TRABD2B: variants seen among roughly 807,000 people sequenced by gnomAD.
TRABD2B encodes TraB domain containing 2B.
Under a neutral mutation model 40.1 loss-of-function variants are expected in TRABD2B, and 14 were observed. The ratio of observed to expected loss-of-function variants is 0.35; its 90% CI spans 0.23 to 0.55. The LOEUF (loss-of-function observed/expected upper bound fraction) is 0.55, where lower values mean the gene tolerates loss of function less well. Ranked by LOEUF, TRABD2B falls within the 20% of genes least tolerant of loss-of-function variation. The probability of loss-of-function intolerance (pLI) is 0.90; values close to 1 mark genes in which losing one functional copy is unlikely to be tolerated. For synonymous variants in TRABD2B, 263 were observed against 277.0 expected (o/e 0.95, Z 0.50); for missense variants, 541 against 648.6 (o/e 0.83, Z 1.80).
At chr1:47,783,755 C>T (rs1454284294) in intron 4 of TRABD2B, among the ~76,000 whole-genome samples, 1 of 152,146 alleles carries the variant, frequency 6.6e-6, no homozygotes, top group Admixed American at 6.5e-5. Context: ...GCTCAGTGAG[C>T]AGAGCACAGG....
chr1:47,794,495 G>A lies in TRABD2B; in HGVS notation c.988+91C>T, dbSNP rs1415311416. The A allele has an allele frequency of 3.1e-5, 42 of 1,369,462 alleles. No homozygotes were observed. In the East Asian group the frequency reaches 4.8e-4, roughly 16 times the overall value. The allele number at this position is 1,369,462 out of a possible 1,614,324, so 84.8% of individuals were successfully genotyped here. On this transcript the variant is annotated intron_variant, in intron 4 of 6. Transcript: ENST00000606738. ...CTTTTCCTGCCCCATCCTGGGCCTC[G>A]ACTTCTCCCTCGATGAAGTAGAGGT...
Position 47,801,533 on chromosome 1 carries a change from G to A in TRABD2B, c.753C>T (p.Leu251=). The A allele has an allele frequency of 3.3e-6, 5 of 1,536,130 alleles. No individual in the cohort carries two copies. The highest frequency in any genetic ancestry group is 4.4e-6 in the Non-Finnish European group (5 of 1,146,902). ...SLQASYTTED[L]IKHYNCGDLS... ...GGTCTCCGCAGTTGTAGTGCTTGAT[G>A]AGGTCCTCCGTGGTGTAGGAGGCCT... The change falls in exon 3 of 7, where the codon CTC becomes CTT. Residue 251 remains leucine, a synonymous_variant. Coordinates refer to ENST00000606738, the MANE Select transcript of TRABD2B (RefSeq NM_001194986.2).
At chr1:47,831,285 T>C (rs1645245580) in intron 2 of TRABD2B, among the ~76,000 whole-genome samples, 1 of 152,162 alleles carries the variant, frequency 6.6e-6, no homozygotes, top group Non-Finnish European at 1.5e-5. Context: ...TAGGTCCTAC[T>C]GAGGCCTCGG....
At chr1:47,904,107 C>T (rs1345204709) in intron 2 of TRABD2B, among the ~76,000 whole-genome samples, 1 of 152,178 alleles carries the variant, frequency 6.6e-6, no homozygotes, top group Non-Finnish European at 1.5e-5. Flanking sequence ...GCAGAAGGAG[C>T]TGTAACAGGG....
In TRABD2B at chr1:47,849,719, C is replaced by T. The variant is rs550720786; in HGVS notation, c.667-48100G>A. 5.3e-5 allele frequency among the ~76,000 whole-genome samples: 8 copies of T among 152,278 alleles called. No individual in the cohort carries two copies. In the South Asian group the frequency reaches 1.7e-3, roughly 32 times the overall value. On this transcript the variant is annotated intron_variant, in intron 2 of 6. Coordinates refer to ENST00000606738, the MANE Select transcript of TRABD2B (RefSeq NM_001194986.2). ...TGGTGTGAGCCGGTGGGATTGGCTG[C>T]TAAGTGAGGGGATGGGGTGCGGGAG...
At chr1:47,831,581 G>C (rs977489376) in intron 2 of TRABD2B, among the ~76,000 whole-genome samples, 1 of 152,184 alleles carries the variant, frequency 6.6e-6, no homozygotes, top group Non-Finnish European at 1.5e-5. Flanking sequence ...GCTGCTGTAT[G>C]CTGGGTGATC....
intron 2 of TRABD2B, among the ~76,000 whole-genome samples, chr1:47,832,357 G>A (rs1367794880): frequency 6.6e-6 from 1 of 152,068 alleles, no homozygotes. Context: ...GTCAGACGTG[G>A]GTCCAGTCCG....
At position 47,769,971 on chromosome 1, in the gene TRABD2B, T is replaced by G. The variant is rs542705491; in HGVS notation, c.1350-3865A>C. Among the ~76,000 whole-genome samples, 27 of 61,114 alleles carry G rather than the reference T, an allele frequency of 4.4e-4. No homozygotes were observed. In the Middle Eastern group the frequency reaches 0.027, roughly 62 times the overall value. The allele number at this position is 61,114 out of a possible 152,430, so 40.1% of individuals were successfully genotyped here. A position where few individuals can be genotyped will look rare whatever the true frequency, so the allele number is the denominator to read the frequency against. On this transcript the variant is annotated intron_variant, in intron 6 of 6. Coordinates refer to ENST00000606738, the MANE Select transcript of TRABD2B (RefSeq NM_001194986.2). ...GGAAGCCCAAGGCAGAAAGCAAGGC[T>G]GTGTGTGTCTGAGACACTGTCAGCT...
chr1:47,791,738 T>C (rs977427874), intron 4 of TRABD2B, among the ~76,000 whole-genome samples: 1 of 152,124 alleles, frequency 6.6e-6, no homozygotes, highest in Non-Finnish European at 1.5e-5. Context: ...AATTACATGA[T>C]CATAAGAATG....
intron 2 of TRABD2B, among the ~76,000 whole-genome samples, chr1:47,805,818 T>TAA (rs370627213): frequency 2.1e-4 from 31 of 145,504 alleles, no homozygotes; most frequent in African/African-American, 6.7e-4. Context: ...TCCATTTAAT[T>TAA]AAAAAAAAAA....
chr1:47,972,976 C>T (rs747721615), intron 2 of TRABD2B, among the ~76,000 whole-genome samples: 8 of 152,162 alleles, frequency 5.3e-5, no homozygotes, highest in East Asian at 1.9e-4. Context: ...GACATGCCCC[C>T]ACACACTTCA....
intron 2 of TRABD2B, among the ~76,000 whole-genome samples, chr1:47,821,298 G>A (rs1228761442): frequency 2.6e-5 from 4 of 152,160 alleles, no homozygotes; most frequent in African/African-American, 9.7e-5. Flanking sequence ...CAGAGGCCCT[G>A]GGTTCAAGTC....
chr1:47,929,661 G>A (rs980820457), intron 2 of TRABD2B, among the ~76,000 whole-genome samples: 4 of 152,168 alleles, frequency 2.6e-5, no homozygotes, highest in Non-Finnish European at 4.4e-5. Flanking sequence ...CCCAGGGGTC[G>A]GCCTTCACTT....
intron 4 of TRABD2B, among the ~76,000 whole-genome samples, chr1:47,793,523 G>A (rs562264189): frequency 5.9e-5 from 9 of 152,332 alleles, no homozygotes; most frequent in African/African-American, 1.9e-4. Context: ...CTGACTGCTC[G>A]CCCTGGAGGG....
At chr1:47,843,559 G>A (rs918199061) in intron 2 of TRABD2B, among the ~76,000 whole-genome samples, 5 of 152,166 alleles carry the variant, frequency 3.3e-5, no homozygotes, top group African/African-American at 1.2e-4. Flanking sequence ...TGTCAGGAAG[G>A]AAGTCCAGGA....
At chr1:47,920,496 G>C (rs1024819274) in intron 2 of TRABD2B, among the ~76,000 whole-genome samples, 3 of 152,224 alleles carry the variant, frequency 2.0e-5, no homozygotes, top group African/African-American at 7.2e-5. Flanking sequence ...TCCCCTGGGG[G>C]CAGCCCCACT....
At chr1:47,895,695 G>A (rs1191811717) in intron 2 of TRABD2B, among the ~76,000 whole-genome samples, 1 of 152,194 alleles carries the variant, frequency 6.6e-6, no homozygotes, top group African/African-American at 2.4e-5. Context: ...TCCACTCTAG[G>A]GAGGTTGGAT....
At chr1:47,924,779 C>A (rs966929460) in intron 2 of TRABD2B, among the ~76,000 whole-genome samples, 1 of 152,230 alleles carries the variant, frequency 6.6e-6, no homozygotes. Context: ...GTGAAAGAAA[C>A]TTCCTCTGGG....
intron 2 of TRABD2B, among the ~76,000 whole-genome samples, chr1:47,900,342 C>T (rs1373300550): frequency 6.6e-6 from 1 of 152,160 alleles, no homozygotes; most frequent in East Asian, 1.9e-4. Flanking sequence ...AGTGCTAAAG[C>T]CATGAGTTGG....
Sources: gnomAD v4.1 joint callset for allele counts (sites outside exome capture counted in the v4.1 genomes callset) on GRCh38, gnomAD v4.1.1 for gene constraint, MANE v1.5 for transcripts, NCBI Gene and HGNC (gene_info 2026-07-23, HGNC 2026-07-21) for gene names.